Variants in IL1RAPL1 observed in about 807,000 individuals in gnomAD.
The protein encoded by IL1RAPL1 is interleukin-1 receptor accessory protein-like 1.
IL1RAPL1 carries 3 observed loss-of-function variants against 48.4 expected under a neutral mutation model. That is an observed-to-expected ratio of 0.06 (90% CI 0.03 to 0.16). The LOEUF is 0.16. IL1RAPL1 is among the 10% of genes least tolerant of loss of function. The pLI, the probability that IL1RAPL1 is intolerant of heterozygous loss-of-function variation, is 1.00. For synonymous variants in IL1RAPL1, 185 were observed against 187.7 expected (o/e 0.99, Z 0.12); for missense variants, 349 against 530.6 (o/e 0.66, Z 3.36).
Position 28,820,522 on chromosome X carries a change from G to A in IL1RAPL1, c.82+31097G>A, listed in dbSNP as rs747989799. Among the ~76,000 whole-genome samples, 5 of 111,510 alleles carry A rather than the reference G, an allele frequency of 4.5e-5. No homozygotes were observed. The South Asian group carries it at 1.9e-3, about 41-fold the overall frequency. The stretch of plus-strand genomic sequence containing the variant: ...TCTACCTGCCTTGTTATTCAAATAG[G>A]AACAACACATTATATCATGGGATTA... On this transcript the variant is annotated intron_variant, in intron 2 of 10. Coordinates refer to ENST00000378993, the MANE Select transcript of IL1RAPL1 (RefSeq NM_014271.4).
chrX:29,867,024 A>G (rs999151322), intron 6 of IL1RAPL1, among the ~76,000 whole-genome samples: 1 of 111,096 alleles, frequency 9.0e-6, no homozygotes, highest in Non-Finnish European at 1.9e-5. Context: ...GATGTTGTCA[A>G]ATAACTTGTT....
At chrX:29,501,812 T>G (rs1935277839) in intron 5 of IL1RAPL1, among the ~76,000 whole-genome samples, 1 of 99,745 alleles carries the variant, frequency 1.0e-5, no homozygotes, top group Non-Finnish European at 2.1e-5. Flanking sequence ...TTTTTTTTTT[T>G]GTAGTTCCAT....
chrX:29,634,637 TG>T (rs1034575352), intron 5 of IL1RAPL1, among the ~76,000 whole-genome samples: 1 of 111,199 alleles, frequency 9.0e-6, no homozygotes, highest in African/African-American at 3.3e-5. Flanking sequence ...GTGATGGTGG[TG>T]GTGGCAGGGG....
At chrX:29,401,186 A>G (rs1490349795) in intron 5 of IL1RAPL1, among the ~76,000 whole-genome samples, 2 of 112,125 alleles carry the variant, frequency 1.8e-5, no homozygotes, top group Non-Finnish European at 3.8e-5. Context: ...AGAGTAATTG[A>G]GTCTTGATAT....
intron 2 of IL1RAPL1, among the ~76,000 whole-genome samples, chrX:29,107,711 C>T (rs1928475835): frequency 8.9e-6 from 1 of 112,025 alleles, no homozygotes; most frequent in African/African-American, 3.2e-5. Flanking sequence ...ATCAGACTTA[C>T]TCAAGAGACT....
intron 5 of IL1RAPL1, among the ~76,000 whole-genome samples, chrX:29,539,923 G>A (rs1440349527): frequency 9.0e-6 from 1 of 111,303 alleles, no homozygotes; most frequent in Non-Finnish European, 1.9e-5. Context: ...TAGTACTGGT[G>A]CTAGCCAGAG....
chrX:29,046,508 A>G (rs759393438), intron 2 of IL1RAPL1, among the ~76,000 whole-genome samples: 2 of 112,129 alleles, frequency 1.8e-5, no homozygotes, highest in East Asian at 5.6e-4. Context: ...GAATAATCCA[A>G]TGAATCACTC....
intron 3 of IL1RAPL1, among the ~76,000 whole-genome samples, chrX:29,357,760 G>C (rs1209020706): frequency 8.9e-6 from 1 of 112,295 alleles, no homozygotes; most frequent in Non-Finnish European, 1.9e-5. Context: ...ACAAAAGACA[G>C]ATTAACAAGT....
intron 3 of IL1RAPL1, among the ~76,000 whole-genome samples, chrX:29,293,946 G>A (rs1932408941): frequency 9.0e-6 from 1 of 110,693 alleles, no homozygotes; most frequent in African/African-American, 3.3e-5. Context: ...AAGTGATAAG[G>A]TAATCACTTA....
chrX:29,579,137 C>T (rs1922875659), intron 5 of IL1RAPL1, among the ~76,000 whole-genome samples: 1 of 112,065 alleles, frequency 8.9e-6, no homozygotes, highest in African/African-American at 3.2e-5. Context: ...AAGATCAAGG[C>T]TGATAACCAG....
At chrX:28,770,387 T>C (rs934716809) in intron 1 of IL1RAPL1, among the ~76,000 whole-genome samples, 2 of 111,792 alleles carry the variant, frequency 1.8e-5, no homozygotes, top group African/African-American at 6.5e-5. Flanking sequence ...GTCTCTGTGG[T>C]TGAGTTGATT....
chrX:29,935,365 C>G (rs887776742), intron 8 of IL1RAPL1, among the ~76,000 whole-genome samples: 1 of 111,304 alleles, frequency 9.0e-6, no homozygotes, highest in Non-Finnish European at 1.9e-5. Context: ...ATTATGATGG[C>G]TGAAAAATGG....
chrX:28,697,670 T>C (rs1385350824), intron 1 of IL1RAPL1, among the ~76,000 whole-genome samples: 1 of 111,647 alleles, frequency 9.0e-6, no homozygotes, highest in African/African-American at 3.2e-5. Context: ...TTTTTATAGA[T>C]ACAAAAATAT....
intron 2 of IL1RAPL1, among the ~76,000 whole-genome samples, chrX:29,136,039 T>G (rs1929119336): frequency 8.9e-6 from 1 of 111,967 alleles, no homozygotes; most frequent in African/African-American, 3.2e-5. Context: ...GCTCAGCCAT[T>G]AAGTCTTACA....
At chrX:29,279,161 G>A (rs192146650) in intron 2 of IL1RAPL1, among the ~76,000 whole-genome samples, 235 of 112,260 alleles carry the variant, frequency 2.1e-3, no homozygotes, top group African/African-American at 7.4e-3. Flanking sequence ...TATGCAGGCC[G>A]GGCTTGGTGG....
chrX:28,821,415 G>A (rs1000980812), intron 2 of IL1RAPL1, among the ~76,000 whole-genome samples: 1 of 110,529 alleles, frequency 9.0e-6, no homozygotes, highest in Non-Finnish European at 1.9e-5. Flanking sequence ...GCCTACAGCA[G>A]AAATTGTAGT....
At chrX:28,919,122 G>A (rs1923556849) in intron 2 of IL1RAPL1, among the ~76,000 whole-genome samples, 1 of 111,296 alleles carries the variant, frequency 9.0e-6, no homozygotes, top group Admixed American at 9.6e-5. Context: ...CAATAACTGC[G>A]CGAGTGATAT....
At chrX:29,675,842 G>A (rs1926270619) in intron 6 of IL1RAPL1, among the ~76,000 whole-genome samples, 1 of 112,119 alleles carries the variant, frequency 8.9e-6, no homozygotes, top group Non-Finnish European at 1.9e-5. Flanking sequence ...ACCCACCTTG[G>A]CCTCCCAAAG....
At chrX:28,597,636 C>A (rs1601828993) in intron 1 of IL1RAPL1, among the ~76,000 whole-genome samples, 1 of 110,547 alleles carries the variant, frequency 9.0e-6, no homozygotes, top group Middle Eastern at 4.6e-3. Flanking sequence ...GAGGCTGAGG[C>A]AGGAGAATTG....
Sources: gnomAD v4.1 joint callset for allele counts (sites outside exome capture counted in the v4.1 genomes callset) on GRCh38, gnomAD v4.1.1 for gene constraint, MANE v1.5 for transcripts, NCBI Gene and HGNC (gene_info 2026-07-23, HGNC 2026-07-21) for gene names.